Variants in RB1CC1 observed in about 807,000 individuals in gnomAD.
The protein encoded by RB1CC1 is RB1 inducible coiled-coil 1.
In RB1CC1, 46 loss-of-function variants were observed where a neutral mutation model predicts 177.5. The ratio of observed to expected loss-of-function variants is 0.26; its 90% confidence interval spans 0.20 to 0.33. RB1CC1 has a LOEUF of 0.33. RB1CC1 is among the 10% of genes least tolerant of loss of function. The pLI, the probability that RB1CC1 is intolerant of heterozygous loss-of-function variation, is 1.00. For missense variants in RB1CC1, 1,703 were observed against 1,816.3 expected (o/e 0.94, Z 1.13); for synonymous variants, 666 against 613.6 (o/e 1.09, Z -1.26).
chr8:52,651,112 G>C (rs552859544), intron 15 of RB1CC1, among the ~76,000 whole-genome samples: 1 of 152,314 alleles, frequency 6.6e-6, no homozygotes, highest in East Asian at 1.9e-4. Context: ...TATGGGAATA[G>C]ATCTAATGAC....
intron 15 of RB1CC1, among the ~76,000 whole-genome samples, chr8:52,647,328 T>C (rs1050516996): frequency 6.6e-6 from 1 of 152,132 alleles, no homozygotes; most frequent in Non-Finnish European, 1.5e-5. Flanking sequence ...AAGGCTGGAA[T>C]AGGAATCCCC....
In RB1CC1 at chr8:52,676,575, T is replaced by C. The variant is rs765946797; in HGVS notation, c.370-4A>G. ...TCTTGGCAACTTCATACATTTCCTA[T>C]ATTGAAAAAGAATACAAAAGAAAGT... On this transcript the variant is annotated splice_region_variant and splice_polypyrimidine_tract_variant and intron_variant, in intron 5 of 23. Coordinates refer to ENST00000025008, the MANE Select transcript of RB1CC1 (RefSeq NM_014781.5). 1 of 1,595,410 alleles carries C rather than the reference T, an allele frequency of 6.3e-7. No individual in the cohort carries two copies. Among genetic ancestry groups the C allele is most frequent in the Non-Finnish European group, 8.5e-7 (1 of 1,170,650 alleles).
At chr8:52,661,492 C>A in intron 9 of RB1CC1, 43 bp downstream of exon 9, 1 of 1,514,916 alleles carries the variant, frequency 6.6e-7, no homozygotes, top group Non-Finnish European at 8.9e-7. Flanking sequence ...AATATAAATA[C>A]CAATTCTAAA....
chr8:52,646,752 A>G (rs956763585), intron 15 of RB1CC1, among the ~76,000 whole-genome samples: 10 of 152,194 alleles, frequency 6.6e-5, no homozygotes, highest in Admixed American at 2.0e-4. Flanking sequence ...GAAGAAATGA[A>G]CAAACACTGG....
At position 52,656,736 on chromosome 8, in the gene RB1CC1, A is replaced by C; in HGVS notation, c.3093T>G (p.Ser1031=). Residue 1031 remains serine, a synonymous_variant, in exon 15 of 24, where the codon TCT becomes TCG. Transcript: ENST00000025008. Reference sequence around the variant, plus strand: ...CTTTTTCCTGGATAATTTCAGCATGAGATTCTTGTATTTGATTAATTATTT... The same window carrying C: ...CTTTTTCCTGGATAATTTCAGCATGCGATTCTTGTATTTGATTAATTATTT... ...NQQIINQIQE[S]HAEIIQEKEK... 1 of 1,613,600 alleles carries C rather than the reference A, an allele frequency of 6.2e-7. No homozygotes were observed. The highest frequency in any genetic ancestry group is 8.5e-7 in the Non-Finnish European group (1 of 1,179,852).
In RB1CC1 at chr8:52,623,789, T is replaced by G; in HGVS notation, c.4778A>C (p.Lys1593Thr). 4 of 1,597,632 alleles carry G rather than the reference T, an allele frequency of 2.5e-6. No homozygotes were observed. The highest frequency in any genetic ancestry group is 3.4e-6 in the Non-Finnish European group (4 of 1,165,442). The change falls in exon 24 of 24, where the codon AAA becomes ACA. Residue 1593 changes from lysine (K) to threonine (T), a missense_variant. Physicochemically the swap from Lys to Thr is moderately conservative, Grantham distance 78. Transcript: ENST00000025008. ...ATTAATTTTGTCCATAAGTTATACT[T>G]TCTTATTCCATGATACGGCTTTCAC... is the stretch of plus-strand genomic sequence containing the variant. Reference protein sequence around the residue: ...YRVKAVSWNKKV With the variant: ...YRVKAVSWNKTV
chr8:52,709,683 A>G (rs984290164), intron 1 of RB1CC1, among the ~76,000 whole-genome samples: 4 of 152,242 alleles, frequency 2.6e-5, no homozygotes, highest in Non-Finnish European at 5.9e-5. Flanking sequence ...GGTTGTAGTG[A>G]GCCTAGATCA....
At chr8:52,696,709 T>C (rs1234662549) in intron 1 of RB1CC1, among the ~76,000 whole-genome samples, 1 of 152,108 alleles carries the variant, frequency 6.6e-6, no homozygotes, top group Non-Finnish European at 1.5e-5. Context: ...CTATATGAAA[T>C]GTATTTTGGA....
chr8:52,654,063 T>A (rs1850869878), intron 15 of RB1CC1, among the ~76,000 whole-genome samples: 1 of 152,206 alleles, frequency 6.6e-6, no homozygotes, highest in African/African-American at 2.4e-5. Flanking sequence ...CAACATTAAG[T>A]ATGTGTCCTG....
intron 1 of RB1CC1, among the ~76,000 whole-genome samples, chr8:52,689,986 T>C (rs769565220): frequency 6.6e-6 from 1 of 151,968 alleles, no homozygotes; most frequent in East Asian, 1.9e-4. Flanking sequence ...ATAATTATCA[T>C]AAATGTGATA....
chr8:52,630,153 T>C (rs1848656608), intron 21 of RB1CC1, among the ~76,000 whole-genome samples: 1 of 152,156 alleles, frequency 6.6e-6, no homozygotes, highest in South Asian at 2.1e-4. Flanking sequence ...AACTCTCCAA[T>C]ATAGATTAAC....
At chr8:52,650,812 G>C (rs1457636991) in intron 15 of RB1CC1, among the ~76,000 whole-genome samples, 2 of 152,182 alleles carry the variant, frequency 1.3e-5, no homozygotes, top group Non-Finnish European at 2.9e-5. Context: ...AGGAAGGCAA[G>C]GCTTTGAGAC....
At chr8:52,651,371 T>C (rs959444415) in intron 15 of RB1CC1, among the ~76,000 whole-genome samples, 2 of 152,266 alleles carry the variant, frequency 1.3e-5, no homozygotes, top group Non-Finnish European at 2.9e-5. Context: ...ATAGTCTCAC[T>C]GCTGTCTTGC....
chr8:52,669,724 C>A (rs1000075312), intron 7 of RB1CC1, among the ~76,000 whole-genome samples: 1 of 152,142 alleles, frequency 6.6e-6, no homozygotes, highest in Non-Finnish European at 1.5e-5. Context: ...GTACTATGCA[C>A]ATCAAAGCCT....
intron 4 of RB1CC1, 73 bp from the exon 5 acceptor site, chr8:52,683,792 T>C (rs1853997310): frequency 1.3e-6 from 2 of 1,562,048 alleles, no homozygotes; most frequent in African/African-American, 1.4e-5. Flanking sequence ...TTGCCTTCAA[T>C]ATATGAAGCA....
intron 2 of RB1CC1, 40 bp downstream of exon 2, chr8:52,686,813 T>C (rs17337384): frequency 0.022 from 8,242 of 375,834 alleles, 130 homozygotes; most frequent in Non-Finnish European, 0.027. Context: ...TTAAAGGCAA[T>C]AGATTAAACT....
intron 15 of RB1CC1, among the ~76,000 whole-genome samples, chr8:52,648,982 T>TGG (rs1242198341): frequency 2.0e-5 from 3 of 152,210 alleles, no homozygotes; most frequent in Admixed American, 2.0e-4. Context: ...GACTAATGTG[T>TGG]GGAGAGTGCC....
chr8:52,676,605 G>C, intron 5 of RB1CC1, 34 bp from the exon 6 acceptor site: 1 of 1,561,818 alleles, frequency 6.4e-7, no homozygotes, highest in Non-Finnish European at 8.8e-7. Context: ...GAAAGTAAAA[G>C]AAGGCAATGG....
Position 52,661,076 on chromosome 8 carries a change from T to C in RB1CC1, c.1545+19A>G, listed in dbSNP as rs1228463292. The C allele has an allele frequency of 4.3e-6, 7 of 1,611,506 alleles. No individual in the cohort carries two copies. The highest frequency in any genetic ancestry group is 5.1e-6 in the Non-Finnish European group (6 of 1,179,030). On this transcript the variant is annotated intron_variant, in intron 10 of 23. Coordinates refer to ENST00000025008, the MANE Select transcript of RB1CC1 (RefSeq NM_014781.5). Reference sequence around the variant, plus strand: ...CGTTAAAGTTCATATACAGTTAAAATAGAATTCAACTTGCATACCTCCCTG... The same window carrying C: ...CGTTAAAGTTCATATACAGTTAAAACAGAATTCAACTTGCATACCTCCCTG...
Sources: gnomAD v4.1 joint callset for allele counts (sites outside exome capture counted in the v4.1 genomes callset) on GRCh38, gnomAD v4.1.1 for gene constraint, MANE v1.5 for transcripts, NCBI Gene and HGNC (gene_info 2026-07-23, HGNC 2026-07-21) for gene names.